The following COX6A1 variants were observed in gnomAD, a reference collection of about 807,000 sequenced individuals.
COX6A1 encodes the protein cytochrome c oxidase subunit 6A1.
A neutral mutation model predicts 11.3 loss-of-function variants in COX6A1; 10 were observed. That is an observed-to-expected ratio of 0.88 (90% CI 0.54 to 1.50). The LOEUF (loss-of-function observed/expected upper bound fraction) is 1.50, where lower values mean the gene tolerates loss of function less well. Ranked by LOEUF, COX6A1 falls within the 40% of genes most tolerant of loss-of-function variation. The pLI is 0.00. For synonymous variants in COX6A1, 81 were observed against 60.6 expected (o/e 1.34, Z -1.57); for missense variants, 149 against 147.6 (o/e 1.01, Z -0.05).
intron 2 of COX6A1, chr12:120,440,027 C>G (rs1877686022): frequency 6.4e-6 from 1 of 155,206 alleles, no homozygotes; most frequent in African/African-American, 2.4e-5. Context: ...CTGCAGTTTC[C>G]CAGCCCAGAT....
At chr12:120,438,812 T>G (rs929738001) in intron 2 of COX6A1, 1 of 346,690 alleles carries the variant, frequency 2.9e-6, no homozygotes, top group Admixed American at 4.7e-5. Context: ...TTTTTTTTTT[T>G]TTACTTCTGA....
intron 2 of COX6A1, chr12:120,440,252 G>A (rs1470097120): frequency 8.1e-6 from 4 of 494,780 alleles, no homozygotes; most frequent in South Asian, 5.1e-5. Flanking sequence ...AAACTGTCCT[G>A]TAGCCAGGAT....
rs1592977938 is a variant in COX6A1, at chr12:120,440,721, CTTAAAT to C, written c.*188_*193del. On this transcript the variant is annotated 3_prime_UTR_variant, in exon 3 of 3. Coordinates refer to ENST00000229379, the MANE Select transcript of COX6A1 (RefSeq NM_004373.4). ...GGCAGGAGATGGCTTAAATAAATAA[CTTAAAT>C]TTAGATTGGTCATGAGCTGAGAGTT... 1.9e-6 allele frequency: 1 copy of C among 518,298 alleles called. No homozygotes were observed. Among genetic ancestry groups the C allele is most frequent in the Non-Finnish European group, 3.5e-6 (1 of 282,806 alleles). 32.1% of individuals were successfully genotyped at this position (518,298 alleles called of 1,614,324 possible).
chr12:120,438,397 T>G lies in COX6A1; in HGVS notation c.122T>G (p.Leu41Arg), dbSNP rs1877624216. 1 of 1,614,090 alleles carries G rather than the reference T, an allele frequency of 6.2e-7. No homozygotes were observed. Among genetic ancestry groups the G allele is most frequent in the African/African-American group, 1.3e-5 (1 of 74,936 alleles). ...EEGSARMWKT[L>R]TFFVALPGVA... ...TCCGCAGCTCGCATGTGGAAGACTCTCACCTTCTTCGTCGCGCTCCCCGGG... is the reference window on the plus strand; with the variant it reads ...TCCGCAGCTCGCATGTGGAAGACTCGCACCTTCTTCGTCGCGCTCCCCGGG... The change falls in exon 2 of 3, where the codon CTC (leucine) becomes CGC (arginine). Residue 41 changes from leucine (L) to arginine (R), a missense_variant. By Grantham distance (102) the Leu-to-Arg change is moderately radical (BLOSUM62 -2). Transcript: ENST00000229379.
chr12:120,440,395 G>C, intron 2 of COX6A1, 59 bp from the exon 3 acceptor site: 3 of 1,334,042 alleles, frequency 2.2e-6, no homozygotes, highest in Non-Finnish European at 3.2e-6. Flanking sequence ...AGCAGTTCAT[G>C]ACGGTGTTCT....
chr12:120,438,170 G>C lies in COX6A1; in HGVS notation c.44G>C (p.Arg15Pro), dbSNP rs768968190. 3 of 1,613,834 alleles carry C rather than the reference G, an allele frequency of 1.9e-6. No homozygotes were observed. The South Asian group carries it at 3.3e-5, about 18-fold the overall frequency. ...GVSSVSRLLGRSRPQLGRPMS... is the reference protein window; with the variant it reads ...GVSSVSRLLGPSRPQLGRPMS... The stretch of plus-strand genomic sequence containing the variant: ...TCCTCGGTTTCTCGGCTGCTGGGTC[G>C]GTCCCGCCCACAGCTGGGGCGGCCT... The change falls in exon 1 of 3, where the codon CGG (arginine) becomes CCG (proline). Residue 15 changes from arginine to proline, a missense_variant. Transcript: ENST00000229379.
At chr12:120,438,781 G>T in intron 2 of COX6A1, 24 of 268,422 alleles carry the variant, frequency 8.9e-5, no homozygotes, top group East Asian at 2.3e-4. Flanking sequence ...TGCCTTCTGA[G>T]ACAGTTCTTT....
In COX6A1 at chr12:120,438,217, G is replaced by A. The variant is rs1347693595; in HGVS notation, c.91G>A (p.Glu31Lys). 1 of 1,613,798 alleles carries A rather than the reference G, an allele frequency of 6.2e-7. No individual in the cohort carries two copies. Among genetic ancestry groups the A allele is most frequent in the Non-Finnish European group, 8.5e-7 (1 of 1,179,910 alleles). ...GRPMSSGAHGEEGSARMWKTL... is the reference protein window; with the variant it reads ...GRPMSSGAHGKEGSARMWKTL... ...GCCTATGTCGAGTGGCGCCCATGGC[G>A]AAGAGGGCTCAGGTACTGGGGCCGG... The change falls in exon 1 of 3, where the codon GAA (glutamate) becomes AAA (lysine). Residue 31 changes from glutamate (E) to lysine (K), a missense_variant. By Grantham distance (56) the Glu-to-Lys change is moderately conservative (BLOSUM62 1). Transcript: ENST00000229379.
chr12:120,438,310 C>T, intron 1 of COX6A1, 69 bp from the exon 2 acceptor site: 2 of 1,613,554 alleles, frequency 1.2e-6, no homozygotes, highest in Non-Finnish European at 8.5e-7. Flanking sequence ...GGCCCGAGGC[C>T]TTGCGGGAGG....
At chr12:120,439,205 C>T (rs979984751) in intron 2 of COX6A1, among the ~76,000 whole-genome samples, 2 of 152,162 alleles carry the variant, frequency 1.3e-5, no homozygotes, top group African/African-American at 4.8e-5. Flanking sequence ...CTGTTGTTTG[C>T]TGTATCTTTA....
intron 2 of COX6A1, among the ~76,000 whole-genome samples, chr12:120,439,409 C>T (rs1330248560): frequency 6.6e-6 from 1 of 152,030 alleles, no homozygotes; most frequent in African/African-American, 2.4e-5. Flanking sequence ...CGCCTGTAAT[C>T]CCAGCTACTC....
rs549410115 is a variant in COX6A1 at position 120,440,090 on chromosome 12, C to T, written c.247-364C>T. On this transcript the variant is annotated intron_variant, in intron 2 of 2. Coordinates refer to ENST00000229379, the MANE Select transcript of COX6A1 (RefSeq NM_004373.4). The stretch of plus-strand genomic sequence containing the variant: ...AAATCTGCATTTAATTAAGCATCTC[C>T]CTCCCCTAATACTGCCACCATTTTG... 138 of 158,856 alleles carry T rather than the reference C, an allele frequency of 8.7e-4. 1 individual carries two copies. Among genetic ancestry groups the T allele is most frequent in the Non-Finnish European group, 1.5e-3 (106 of 72,154 alleles). 9.8% of individuals were successfully genotyped at this position (158,856 alleles called of 1,614,324 possible).
chr12:120,438,723 A>G (rs1592976993), intron 2 of COX6A1: 1 of 639,398 alleles, frequency 1.6e-6, no homozygotes, highest in East Asian at 2.9e-5. Context: ...TCAAGGTCAT[A>G]CAATAAGTGC....
In COX6A1 at chr12:120,440,390, T is replaced by A. The variant is rs758365854; in HGVS notation, c.247-64T>A. On this transcript the variant is annotated intron_variant, in intron 2 of 2. Coordinates refer to ENST00000229379, the MANE Select transcript of COX6A1 (RefSeq NM_004373.4). Reference sequence around the variant, plus strand: ...TGATCTGTCACCCCGTTATAAGCAGTTCATGACGGTGTTCTTTCTAAATTA... The same window carrying A: ...TGATCTGTCACCCCGTTATAAGCAGATCATGACGGTGTTCTTTCTAAATTA... 2.7e-4 allele frequency: 350 copies of A among 1,288,798 alleles called. No individual in the cohort carries two copies. The Middle Eastern group carries it at 3.7e-3, about 14-fold the overall frequency. The allele number at this position is 1,288,798 out of a possible 1,614,324, so 79.8% of individuals were successfully genotyped here.
chr12:120,438,850 G>T, intron 2 of COX6A1: 1 of 228,488 alleles, frequency 4.4e-6, no homozygotes, highest in South Asian at 4.2e-5. Context: ...TGTCCGTTGT[G>T]TAAAGCCTGG....
intron 2 of COX6A1, among the ~76,000 whole-genome samples, chr12:120,439,667 C>T (rs576075120): frequency 1.3e-5 from 2 of 152,240 alleles, no homozygotes; most frequent in Admixed American, 1.3e-4. Flanking sequence ...AACCTAGACT[C>T]TTGAATTTGT....
intron 2 of COX6A1, among the ~76,000 whole-genome samples, chr12:120,439,195 C>G (rs540686253): frequency 1.3e-5 from 2 of 152,332 alleles, no homozygotes; most frequent in South Asian, 4.1e-4. Flanking sequence ...GTTGTGTCCT[C>G]TGTTGTTTGC....
intron 2 of COX6A1, among the ~76,000 whole-genome samples, chr12:120,439,348 G>A (rs1877658431): frequency 6.6e-6 from 1 of 152,070 alleles, no homozygotes; most frequent in South Asian, 2.1e-4. Flanking sequence ...TCAACATGGC[G>A]AAACACTATC....
At chr12:120,438,599 A>G in intron 2 of COX6A1, 78 bp downstream of exon 2, 1 of 1,598,296 alleles carries the variant, frequency 6.3e-7, no homozygotes, top group South Asian at 1.1e-5. Context: ...TCATTCTCTG[A>G]AGGCATGGGT....
Sources: gnomAD v4.1 joint callset for allele counts (sites outside exome capture counted in the v4.1 genomes callset) on GRCh38, gnomAD v4.1.1 for gene constraint, MANE v1.5 for transcripts, NCBI Gene and HGNC (gene_info 2026-07-23, HGNC 2026-07-21) for gene names.